Variants in BRD1 observed in about 807,000 individuals in gnomAD.
BRD1 encodes bromodomain-containing protein 1.
BRD1 carries 24 observed loss-of-function variants against 107.7 expected under a neutral mutation model. The observed-to-expected ratio is 0.22, with a 90% CI of 0.16 to 0.31. BRD1 has a LOEUF of 0.31. BRD1 is among the 10% of genes least tolerant of loss of function. The pLI, the probability that BRD1 is intolerant of heterozygous loss-of-function variation, is 1.00. For missense variants in BRD1, 1,279 were observed against 1,638.6 expected (o/e 0.78, Z 3.79); for synonymous variants, 744 against 686.1 (o/e 1.08, Z -1.32).
intron 2 of BRD1, among the ~76,000 whole-genome samples, chr22:49,822,683 C>G (rs1468768727): frequency 6.6e-6 from 1 of 152,060 alleles, no homozygotes; most frequent in Non-Finnish European, 1.5e-5. Context: ...ATACTCCAGC[C>G]TGGGCGACAG....
Position 49,823,400 on chromosome 22 carries a change from C to T in BRD1, c.918G>A (p.Thr306=), listed in dbSNP as rs566134936. The T allele has an allele frequency of 8.7e-6, 14 of 1,613,376 alleles. No individual in the cohort carries two copies. The highest frequency in any genetic ancestry group is 1.6e-4 in the Middle Eastern group (1 of 6,062). Residue 306 remains threonine (T), a synonymous_variant, in exon 2 of 13, where the codon ACG becomes ACA. Transcript: ENST00000404760. ...CCCCATCGATGGGCTCGATGAACAC[C>T]GTGTTGGCAAAGCCGACCTCTGGGA... is the stretch of plus-strand genomic sequence containing the variant. ...LWIPEVGFAN[T]VFIEPIDGVR...
rs1555904839 is a variant in BRD1, at chr22:49,787,304, C to CCG, written c.2857+85_2857+86insCG. The CCG allele has an allele frequency of 4.7e-5, 39 of 829,484 alleles. 1 individual carries two copies. The highest frequency in any genetic ancestry group is 5.5e-5 in the Non-Finnish European group (32 of 582,122). The allele number at this position is 829,484 out of a possible 1,614,324, so 51.4% of individuals were successfully genotyped here. A position where few individuals can be genotyped will look rare whatever the true frequency, so the allele number is the denominator to read the frequency against. On this transcript the variant is annotated intron_variant, in intron 8 of 12. Transcript: ENST00000404760. ...TGCAAAAACAGAAGCTGGACACCCC[C>CCG]CCCCCCCCGTCACACCAATGATCCT...
chr22:49,809,541 CA>C (rs138862), intron 2 of BRD1, among the ~76,000 whole-genome samples: 1 of 146,110 alleles, frequency 6.8e-6, no homozygotes, highest in African/African-American at 2.6e-5. Flanking sequence ...ACTTCGTCTC[CA>C]AAAAAAATAT....
intron 2 of BRD1, among the ~76,000 whole-genome samples, chr22:49,807,634 A>C (rs1366028407): frequency 6.6e-6 from 1 of 152,244 alleles, no homozygotes; most frequent in Admixed American, 6.5e-5. Flanking sequence ...AGACCTAGAC[A>C]TAAGACCTAA....
chr22:49,779,662 C>T (rs992831303), intron 8 of BRD1, among the ~76,000 whole-genome samples: 3 of 152,130 alleles, frequency 2.0e-5, no homozygotes, highest in Non-Finnish European at 2.9e-5. Context: ...TCCACATGCT[C>T]CCCATACTCA....
intron 10 of BRD1, 132 bp downstream of exon 10, chr22:49,776,902 G>C: frequency 7.6e-7 from 1 of 1,322,694 alleles, no homozygotes; most frequent in South Asian, 1.3e-5. Context: ...CCCTTCCCCG[G>C]GAGGTTGGCC....
rs549433923 is a variant in BRD1, at chr22:49,803,860, C to T, written c.1524+344G>A. Among the ~76,000 whole-genome samples, 34 of 152,356 alleles carry T rather than the reference C, an allele frequency of 2.2e-4. No individual in the cohort carries two copies. Among genetic ancestry groups the T allele is most frequent in the South Asian group, 2.1e-3 (10 of 4,828 alleles). ...CCACTCCTGCTGTCCCCAGCCCGGA[C>T]GCTCATGCAGCCACAGCATAACACA... On this transcript the variant is annotated intron_variant, in intron 3 of 12. Coordinates refer to ENST00000404760, the MANE Select transcript of BRD1 (RefSeq NM_001304808.3). The surrounding 1 kb of genome is among the most constrained non-coding windows in gnomAD (Gnocchi z 4.4).
intron 2 of BRD1, chr22:49,818,295 A>G: frequency 7.8e-7 from 1 of 1,278,984 alleles, no homozygotes; most frequent in South Asian, 1.3e-5. Flanking sequence ...GAAGATCTGA[A>G]GCAGTCAAAG....
At chr22:49,807,781 T>C (rs1047704937) in intron 2 of BRD1, among the ~76,000 whole-genome samples, 1 of 152,172 alleles carries the variant, frequency 6.6e-6, no homozygotes. Context: ...TTAAAATGTG[T>C]GCATTAAAAG....
chr22:49,803,366 G>A lies in BRD1; in HGVS notation c.1524+838C>T, dbSNP rs997113693. On this transcript the variant is annotated intron_variant, in intron 3 of 12. Transcript: ENST00000404760. This position sits in a 1 kb window ranked among gnomAD's most constrained non-coding sequence, Gnocchi z 4.4. Reference sequence around the variant, plus strand: ...GGATGGCAGTGAAAAGCACCATGAGGAAATTCCAAGAGGCACTCAGGCCAC... The same window carrying A: ...GGATGGCAGTGAAAAGCACCATGAGAAAATTCCAAGAGGCACTCAGGCCAC... Among the ~76,000 whole-genome samples the A allele has an allele frequency of 1.6e-4, 25 of 152,190 alleles. No individual in the cohort carries two copies. Among genetic ancestry groups the A allele is most frequent in the African/African-American group, 6.0e-4 (25 of 41,438 alleles).
At position 49,789,909 on chromosome 22, in the gene BRD1, T is replaced by C. The variant is rs9616746; in HGVS notation, c.2360-2022A>G. On this transcript the variant is annotated intron_variant, in intron 7 of 12. Transcript: ENST00000404760. Reference sequence around the variant, plus strand: ...ATGCCCCATGTGGGACTCATAACCATCTCCACGCTGCAGGGACTTCCCTAA... The same window carrying C: ...ATGCCCCATGTGGGACTCATAACCACCTCCACGCTGCAGGGACTTCCCTAA... 1.5e-3 allele frequency among the ~76,000 whole-genome samples: 223 copies of C among 152,090 alleles called. 2 individuals are homozygous for C. The highest frequency in any genetic ancestry group is 2.6e-3 in the Non-Finnish European group (179 of 67,972).
chr22:49,775,939 C>CCCCG, intron 11 of BRD1, 111 bp downstream of exon 11: 9 of 1,228,192 alleles, frequency 7.3e-6, no homozygotes, highest in Non-Finnish European at 1.0e-5. Flanking sequence ...CGCCCCCCCG[C>CCCCG]CAGCTGTGGA....
rs1290716256 is a variant in BRD1 at position 49,787,872 on chromosome 22, G to A, written c.2375C>T (p.Pro792Leu). Residue 792 changes from proline to leucine, a missense_variant, in exon 8 of 13, where the codon CCT (proline) becomes CTT (leucine). This residue lies in a region of BRD1 where 406 missense variants were observed against 519.4 expected (regional missense o/e 0.78). Transcript: ENST00000404760. ...TAATGCATCTGATGGTTCAAGTTTA[G>A]GGGGAGATTTATCTCCTGAAAAAAT... ...EAGEEGDKSP[P>L]KLEPSDALPL... 5.2e-6 allele frequency: 8 copies of A among 1,527,760 alleles called. No homozygotes were observed. The highest frequency in any genetic ancestry group is 7.1e-6 in the Non-Finnish European group (8 of 1,134,724). The allele number at this position is 1,527,760 out of a possible 1,614,324, so 94.6% of individuals were successfully genotyped here.
Position 49,776,131 on chromosome 22 carries a change from G to A in BRD1, c.3150C>T (p.Ser1050=). The A allele has an allele frequency of 6.2e-7, 1 of 1,606,178 alleles. No homozygotes were observed. Among genetic ancestry groups the A allele is most frequent in the Admixed American group, 1.7e-5 (1 of 59,978 alleles). ...AEVGQSSMWI[S]TDAAASVLEP... Reference sequence around the variant, plus strand: ...CCAGCACCGAGGCGGCGGCATCAGTGGAGATCCACATGCTGCTCTGGCCGA... The same window carrying A: ...CCAGCACCGAGGCGGCGGCATCAGTAGAGATCCACATGCTGCTCTGGCCGA... Residue 1050 remains serine (S), a synonymous_variant, in exon 11 of 13, where the codon TCC becomes TCT. Coordinates refer to ENST00000404760, the MANE Select transcript of BRD1 (RefSeq NM_001304808.3).
chr22:49,784,476 G>A (rs1214402521), intron 8 of BRD1, among the ~76,000 whole-genome samples: 3 of 152,254 alleles, frequency 2.0e-5, no homozygotes, highest in Non-Finnish European at 4.4e-5. Context: ...CTCTGGGGCT[G>A]GGCCATCGCA....
intron 6 of BRD1, among the ~76,000 whole-genome samples, chr22:49,796,605 G>A (rs751060765): frequency 2.2e-4 from 34 of 152,170 alleles, no homozygotes; most frequent in Non-Finnish European, 4.0e-4. Context: ...TGATCCACCC[G>A]CCTCGGTATC....
In BRD1 at chr22:49,783,449, C is replaced by T. The variant is rs1031550465; in HGVS notation, c.2857+3941G>A. On this transcript the variant is annotated intron_variant, in intron 8 of 12. Coordinates refer to ENST00000404760, the MANE Select transcript of BRD1 (RefSeq NM_001304808.3). The surrounding 1 kb of genome is among the most constrained non-coding windows in gnomAD (Gnocchi z 4.2). ...TCCATGCCACATCCTCAGACAGTGC[C>T]GAGCCAAGTTCCTCCATACCCCATG... 3.3e-5 allele frequency among the ~76,000 whole-genome samples: 5 copies of T among 152,168 alleles called. No homozygotes were observed. Among genetic ancestry groups the T allele is most frequent in the Admixed American group, 6.5e-5 (1 of 15,284 alleles).
intron 2 of BRD1, among the ~76,000 whole-genome samples, chr22:49,819,444 T>C (rs1569137259): frequency 6.6e-6 from 1 of 151,952 alleles, no homozygotes; most frequent in Non-Finnish European, 1.5e-5. Flanking sequence ...TCCCAGCTAC[T>C]CAAGAGGCTG....
At chr22:49,793,978 T>TG in intron 7 of BRD1, 56 bp downstream of exon 7, 2 of 1,566,552 alleles carry the variant, frequency 1.3e-6, no homozygotes, top group East Asian at 4.5e-5. Flanking sequence ...CCTGTGCCTG[T>TG]GCCTGAGCCT....
Sources: allele counts gnomAD v4.1 joint callset (sites outside exome capture counted in the v4.1 genomes callset), GRCh38; gene constraint gnomAD v4.1.1; regional missense constraint gnomAD v4.1.1; non-coding constraint Gnocchi (gnomAD v3.1); transcripts MANE v1.5; gene names NCBI Gene and HGNC (gene_info 2026-07-23, HGNC 2026-07-21).